The following RFX7 variants were observed in gnomAD, a reference collection of about 807,000 sequenced individuals.
The protein encoded by RFX7 is DNA-binding protein RFX7.
RFX7 carries 26 observed loss-of-function variants against 111.8 expected under a neutral mutation model. The ratio of observed to expected loss-of-function variants is 0.23; its 90% CI spans 0.17 to 0.32. The LOEUF is 0.32. Ranked by LOEUF, RFX7 falls within the 10% of genes least tolerant of loss-of-function variation. The probability of loss-of-function intolerance (pLI) is 1.00; values close to 1 mark genes in which losing one functional copy is unlikely to be tolerated. For missense variants in RFX7, 1,573 were observed against 1,772.9 expected, an observed-to-expected ratio of 0.89 and a Z score of 2.02; for synonymous variants, 624 against 624.4, an observed-to-expected ratio of 1.00 and a Z score of 0.01.
chr15:56,219,238 C>T (rs376265072), intron 2 of RFX7, among the ~76,000 whole-genome samples: 36 of 152,172 alleles, frequency 2.4e-4, no homozygotes, highest in Middle Eastern at 3.4e-3. Context: ...AAGATATATC[C>T]ACTTTATCAC....
chr15:56,232,418 A>G (rs1453038284), intron 2 of RFX7, among the ~76,000 whole-genome samples: 1 of 152,138 alleles, frequency 6.6e-6, no homozygotes, highest in Non-Finnish European at 1.5e-5. Context: ...GGACTGGCCC[A>G]TGAAATCATT....
intron 2 of RFX7, chr15:56,193,142 C>T: frequency 4.3e-6 from 1 of 230,348 alleles, no homozygotes; most frequent in East Asian, 1.1e-4. Context: ...TACTGTGTGG[C>T]CGGTCACTGC....
intron 3 of RFX7, among the ~76,000 whole-genome samples, chr15:56,174,103 C>A (rs1271711927): frequency 1.3e-5 from 2 of 151,808 alleles, no homozygotes; most frequent in Non-Finnish European, 2.9e-5. Context: ...CATGGTGAAA[C>A]CCCGTCTCTA....
intron 3 of RFX7, among the ~76,000 whole-genome samples, chr15:56,157,534 T>C (rs1414066794): frequency 6.6e-6 from 1 of 152,236 alleles, no homozygotes; most frequent in South Asian, 2.1e-4. Context: ...ATGTTCAGCA[T>C]ATGAAAACGT....
chr15:56,210,674 G>A (rs1157194129), intron 2 of RFX7, among the ~76,000 whole-genome samples: 2 of 152,004 alleles, frequency 1.3e-5, no homozygotes, highest in African/African-American at 4.8e-5. Flanking sequence ...AAAATACGTG[G>A]AAATTAAACA....
intron 5 of RFX7, among the ~76,000 whole-genome samples, chr15:56,122,814 A>G (rs1334628854): frequency 1.3e-5 from 2 of 152,106 alleles, no homozygotes; most frequent in East Asian, 3.9e-4. Flanking sequence ...CCACCACCAC[A>G]GGCCCACAGG....
intron 8 of RFX7, among the ~76,000 whole-genome samples, chr15:56,100,204 G>C (rs1057041730): frequency 1.3e-5 from 2 of 152,170 alleles, no homozygotes; most frequent in Non-Finnish European, 1.5e-5. Context: ...TATAAATTGG[G>C]AATAAATATC....
chr15:56,110,112 G>A (rs1341711046), intron 5 of RFX7, among the ~76,000 whole-genome samples: 4 of 134,166 alleles, frequency 3.0e-5, no homozygotes, highest in Non-Finnish European at 6.4e-5. Context: ...CCCCCCGCCC[G>A]GCCAGCCGCC....
At chr15:56,157,868 T>G (rs1268657655) in intron 3 of RFX7, among the ~76,000 whole-genome samples, 1 of 152,222 alleles carries the variant, frequency 6.6e-6, no homozygotes, top group East Asian at 1.9e-4. Flanking sequence ...CGTGAGCCAC[T>G]GCGCCCGGCC....
At chr15:56,151,161 C>G in intron 3 of RFX7, among the ~76,000 whole-genome samples, 1 of 152,162 alleles carries the variant, frequency 6.6e-6, no homozygotes, top group Non-Finnish European at 1.5e-5. Flanking sequence ...CAGAACTTCT[C>G]CAACCGAGCA....
rs1555423781 is a variant in RFX7, at chr15:56,178,203, A to ACACACG, written c.195+1066_195+1067insCGTGTG. ...CACACACACACACACACACACACACACACACACAACAAAAAGAAGAGTAAA... is the reference window on the plus strand; with the variant it reads ...CACACACACACACACACACACACACACACACGCACACACAACAAAAAGAAGAGTAAA... On this transcript the variant is annotated intron_variant, in intron 3 of 9. Transcript: ENST00000559447. Among the ~76,000 whole-genome samples, 164 of 148,886 alleles carry ACACACG rather than the reference A, an allele frequency of 1.1e-3. 2 individuals carry two copies. Among genetic ancestry groups the ACACACG allele is most frequent in the African/African-American group, 4.1e-3 (162 of 39,410 alleles).
At chr15:56,243,967 C>G (rs2043768701), upstream of RFX7, 1 of 149,628 alleles carries the variant, frequency 6.7e-6, no homozygotes, top group South Asian at 2.0e-4. Flanking sequence ...CGCGACGGGC[C>G]GGGATGGGGG....
intron 2 of RFX7, among the ~76,000 whole-genome samples, chr15:56,223,193 A>G (rs1401507918): frequency 1.3e-5 from 2 of 152,114 alleles, no homozygotes; most frequent in Non-Finnish European, 2.9e-5. Context: ...CTTAGAAGAG[A>G]CTGGCCCTGC....
rs572771506 is a variant in RFX7 at position 56,091,464 on chromosome 15, T to G, written c.*1881A>C. 6.6e-6 allele frequency: 1 copy of G among 152,526 alleles called. No homozygotes were observed. The highest frequency in any genetic ancestry group is 2.4e-5 in the African/African-American group (1 of 41,444). 9.4% of individuals were successfully genotyped at this position (152,526 alleles called of 1,614,324 possible). A position where few individuals can be genotyped will look rare whatever the true frequency, so the allele number is the denominator to read the frequency against. On this transcript the variant is annotated 3_prime_UTR_variant, in exon 10 of 10. Transcript: ENST00000559447. ...AAAAATCCTCCAGTCTTAATATTTTTATCAAAAAAGATTTCCATTATTTTT... is the reference window on the plus strand; with the variant it reads ...AAAAATCCTCCAGTCTTAATATTTTGATCAAAAAAGATTTCCATTATTTTT...
At position 56,091,965 on chromosome 15, in the gene RFX7, T is replaced by C. The variant is rs1332143898; in HGVS notation, c.*1380A>G. On this transcript the variant is annotated 3_prime_UTR_variant, in exon 10 of 10. Transcript: ENST00000559447. ...GCATAGCAAATGGTTTTATGTTAGC[T>C]TTAAAAACAATGGCAATTTAAAAAT... 1 of 152,264 alleles carries C rather than the reference T, an allele frequency of 6.6e-6. No homozygotes were observed. The highest frequency in any genetic ancestry group is 1.5e-5 in the Non-Finnish European group (1 of 67,964). The allele number at this position is 152,264 out of a possible 1,614,324, so 9.4% of individuals were successfully genotyped here.
chr15:56,096,581 T>C lies in RFX7; in HGVS notation c.1147A>G (p.Met383Val), dbSNP rs375503209. 268 of 1,594,608 alleles carry C rather than the reference T, an allele frequency of 1.7e-4. 3 individuals are homozygous for C. Among genetic ancestry groups the C allele is most frequent in the South Asian group, 1.5e-3 (131 of 87,766 alleles). ...AGAACTTTGCCGTCAGAAGAACTCA[T>C]TGGACTCGGTGAAGTTACCAATTGC... ...TRQLVTSPSPMSSSDGKVLPL... is the reference protein window; with the variant it reads ...TRQLVTSPSPVSSSDGKVLPL... The change falls in exon 10 of 10, where the codon ATG becomes GTG. Residue 383 changes from methionine (M) to valine (V), a missense_variant. Coordinates refer to ENST00000559447, the MANE Select transcript of RFX7 (RefSeq NM_022841.7).
Position 56,096,367 on chromosome 15 carries a change from C to G in RFX7, c.1361G>C (p.Ser454Thr). The change falls in exon 10 of 10, where the codon AGT becomes ACT. Residue 454 changes from serine to threonine, a missense_variant. Ser to Thr is a moderately conservative substitution (Grantham distance 58). Coordinates refer to ENST00000559447, the MANE Select transcript of RFX7 (RefSeq NM_022841.7). Reference sequence around the variant, plus strand: ...TACAACAGCAGTTTTGATGGGACTACTAGTAAAGAGGACAGTAGTTGGAGA... The same window carrying G: ...TACAACAGCAGTTTTGATGGGACTAGTAGTAAAGAGGACAGTAGTTGGAGA... ...IRSPTTVLFT[S>T]SPIKTAVVPA... 6.2e-7 allele frequency: 1 copy of G among 1,613,896 alleles called. No individual in the cohort carries two copies.
chr15:56,231,843 C>T (rs1251003210), intron 2 of RFX7, among the ~76,000 whole-genome samples: 1 of 152,202 alleles, frequency 6.6e-6, no homozygotes, highest in Non-Finnish European at 1.5e-5. Flanking sequence ...TGGATAAATA[C>T]TACCATTCCA....
intron 2 of RFX7, among the ~76,000 whole-genome samples, chr15:56,242,052 T>A (rs1200816311): frequency 1.3e-5 from 2 of 152,244 alleles, no homozygotes; most frequent in Non-Finnish European, 2.9e-5. Flanking sequence ...CTTTACGATA[T>A]GTTTTCAAAA....
Sources: allele counts gnomAD v4.1 joint callset (sites outside exome capture counted in the v4.1 genomes callset), GRCh38; gene constraint gnomAD v4.1.1; transcripts MANE v1.5; gene names NCBI Gene and HGNC (gene_info 2026-07-23, HGNC 2026-07-21).